The following TRPM6 variants were observed in gnomAD, a reference collection of about 807,000 sequenced individuals.
TRPM6 encodes channel kinase 2.
A neutral mutation model predicts 247.6 loss-of-function variants in TRPM6; 111 were observed. The ratio of observed to expected loss-of-function variants is 0.45; its 90% CI spans 0.38 to 0.52. The LOEUF (loss-of-function observed/expected upper bound fraction) is 0.52. Among genes scored for constraint, TRPM6 ranks in the 20% least tolerant of loss-of-function variants. TRPM6 has a pLI of 0.00. For missense variants in TRPM6, 2,126 were observed against 2,421.5 expected (o/e 0.88, Z 2.56); for synonymous variants, 892 against 853.8 (o/e 1.04, Z -0.78).
chr9:74,839,884 AGGAAGGAAGGAG>A, intron 5 of TRPM6, 128 bp downstream of exon 5: 1 of 195,232 alleles, frequency 5.1e-6, no homozygotes, highest in South Asian at 6.6e-5. Context: ...GAAGGAAGGA[AGGAAGGAAGGAG>A]GGAGGGAGGG....
In TRPM6 at chr9:74,768,913, G is replaced by A. The variant is rs367705193; in HGVS notation, c.3536+2790C>T. On this transcript the variant is annotated intron_variant, in intron 25 of 38. Coordinates refer to ENST00000360774, the MANE Select transcript of TRPM6 (RefSeq NM_017662.5). ...TTATCCCAGTTCATAATCTTGGGGA[G>A]GCAGGGAGGCTATCCTGTCCACATC... Among the ~76,000 whole-genome samples the A allele has an allele frequency of 6.9e-4, 105 of 152,278 alleles. 4 individuals are homozygous for A. In the South Asian group the frequency reaches 9.3e-3, roughly 14 times the overall value.
chr9:74,876,894 G>A (rs1160695437), intron 1 of TRPM6, among the ~76,000 whole-genome samples: 2 of 152,154 alleles, frequency 1.3e-5, no homozygotes, highest in Admixed American at 1.3e-4. Context: ...ACATTTTCCG[G>A]AAGAAAATCT....
At chr9:74,785,602 A>G (rs1034908682) in intron 21 of TRPM6, among the ~76,000 whole-genome samples, 5 of 152,188 alleles carry the variant, frequency 3.3e-5, no homozygotes, top group Non-Finnish European at 4.4e-5. Context: ...GGCTCACTGC[A>G]AGCTCCGCCT....
rs987865076 is a variant in TRPM6, at chr9:74,727,417, G to A, written c.5935+822C>T. Among the ~76,000 whole-genome samples the A allele has an allele frequency of 4.7e-5, 7 of 149,388 alleles. No individual in the cohort carries two copies. In the South Asian group the frequency reaches 1.1e-3, roughly 23 times the overall value. On this transcript the variant is annotated intron_variant, in intron 38 of 38. Transcript: ENST00000360774. The stretch of plus-strand genomic sequence containing the variant: ...AAAAAAAAAAAAAGAAATCTCCTTC[G>A]TTTGTTATAAGTTTACACCTGTCCC...
rs1409392832 is a variant in TRPM6 at position 74,785,977 on chromosome 9, C to A, written c.2816G>T (p.Arg939Ile). The change falls in exon 21 of 39, where the codon AGA (arginine) becomes ATA (isoleucine). Residue 939 changes from arginine (R) to isoleucine (I), a missense_variant. Coordinates refer to ENST00000360774, the MANE Select transcript of TRPM6 (RefSeq NM_017662.5). ...WGDPPFHTAG[R>I]LIYCIDIIFW... ...TATGATGTCTATGCAGTAGATCAGT[C>A]TTCCCGCTGTGTGAAAAGGAGGGTC... The A allele has an allele frequency of 3.1e-6, 5 of 1,614,110 alleles. No individual in the cohort carries two copies. In the East Asian group the frequency reaches 1.1e-4, roughly 36 times the overall value.
At chr9:74,739,540 T>C (rs564767002) in intron 34 of TRPM6, 91 bp from the exon 35 acceptor site, 3 of 1,520,688 alleles carry the variant, frequency 2.0e-6, no homozygotes, top group South Asian at 2.3e-5. Flanking sequence ...ATGTGATTTT[T>C]AGCCTTATTC....
intron 23 of TRPM6, among the ~76,000 whole-genome samples, chr9:74,776,906 A>G (rs1457023600): frequency 6.6e-6 from 1 of 152,252 alleles, no homozygotes; most frequent in Non-Finnish European, 1.5e-5. Flanking sequence ...AGAGAAAGAT[A>G]GCAGAGTAGA....
chr9:74,828,073 G>A lies in TRPM6; in HGVS notation c.670-124C>T, dbSNP rs1447365076. ...TCTAGTTTAAAAAGTACTACTTGCG[G>A]CCAGGCATGGTGGCTCATGCCTGTA... On this transcript the variant is annotated intron_variant, in intron 6 of 38. Coordinates refer to ENST00000360774, the MANE Select transcript of TRPM6 (RefSeq NM_017662.5). 6 of 1,036,672 alleles carry A rather than the reference G, an allele frequency of 5.8e-6. No individual in the cohort carries two copies. In the East Asian group the frequency reaches 1.5e-4, roughly 25 times the overall value. 64.2% of individuals were successfully genotyped at this position (1,036,672 alleles called of 1,614,324 possible).
intron 8 of TRPM6, 67 bp downstream of exon 8, chr9:74,821,602 C>T: frequency 6.3e-7 from 1 of 1,576,458 alleles, no homozygotes; most frequent in Non-Finnish European, 8.7e-7. Flanking sequence ...AAATGCACAG[C>T]CAAAAGAACT....
At chr9:74,853,048 C>A (rs895756348) in intron 3 of TRPM6, among the ~76,000 whole-genome samples, 1 of 150,062 alleles carries the variant, frequency 6.7e-6, no homozygotes, top group Admixed American at 6.6e-5. Context: ...ATGTGGGGAG[C>A]GCCTCTGCCC....
intron 37 of TRPM6, among the ~76,000 whole-genome samples, chr9:74,730,109 GT>G (rs1379238254): frequency 2.0e-5 from 3 of 152,028 alleles, no homozygotes; most frequent in Non-Finnish European, 4.4e-5. Flanking sequence ...AGATAACCAG[GT>G]TTTAAAAAAA....
chr9:74,820,417 G>A lies in TRPM6; in HGVS notation c.1021C>T (p.Pro341Ser). 6.2e-7 allele frequency: 1 copy of A among 1,614,118 alleles called. No homozygotes were observed. Among genetic ancestry groups the A allele is most frequent in the Non-Finnish European group, 8.5e-7 (1 of 1,180,028 alleles). The change falls in exon 9 of 39, where the codon CCT (proline) becomes TCT (serine). Residue 341 changes from proline to serine, a missense_variant. By Grantham distance (74) the Pro-to-Ser change is moderately conservative (BLOSUM62 -1). This residue lies in a region of TRPM6 where 1,082 missense variants were observed against 1,307.9 expected (regional missense o/e 0.83). Transcript: ENST00000360774. ...CAGATGATCTCCTCTTTCACCTGAG[G>A]TCGCAGCATCCTGGAAGAGAAATAA... ...KHLADEGMLR[P>S]QVKEEIICMI...
At chr9:74,887,724 G>A in intron 1 of TRPM6, 100 bp downstream of exon 1, 2 of 1,613,096 alleles carry the variant, frequency 1.2e-6, no homozygotes. Context: ...GTTAGATGTA[G>A]TGTCCCTGGC....
At chr9:74,806,472 A>G (rs1266388291) in intron 14 of TRPM6, among the ~76,000 whole-genome samples, 1 of 152,092 alleles carries the variant, frequency 6.6e-6, no homozygotes, top group African/African-American at 2.4e-5. Context: ...TGTTTTGTTG[A>G]TAAAAATTGA....
chr9:74,790,528 A>C (rs1198313733), intron 19 of TRPM6, among the ~76,000 whole-genome samples: 1 of 152,160 alleles, frequency 6.6e-6, no homozygotes, highest in Admixed American at 6.5e-5. Flanking sequence ...CTGATTCCTT[A>C]TACTGGACTC....
At chr9:74,814,232 G>A (rs1828845178) in intron 11 of TRPM6, among the ~76,000 whole-genome samples, 1 of 152,106 alleles carries the variant, frequency 6.6e-6, no homozygotes, top group Non-Finnish European at 1.5e-5. Flanking sequence ...TCAATAATTC[G>A]TAGGAGCTGA....
At chr9:74,809,670 T>G (rs1564024917) in intron 13 of TRPM6, among the ~76,000 whole-genome samples, 1 of 152,102 alleles carries the variant, frequency 6.6e-6, no homozygotes, top group Admixed American at 6.6e-5. Context: ...CGGACACTTT[T>G]GCTTACTGCT....
chr9:74,820,349 C>G lies in TRPM6; in HGVS notation c.1089G>C (p.Lys363Asn). ...ACTCCATTAGAATTTGGAAAAGGTG[C>G]TTGGACTGTTTAAGACTAAAGTTGA... ...NTFNFSLKQS[K>N]HLFQILMECM... The change falls in exon 9 of 39, where the codon AAG (lysine) becomes AAC (asparagine). Residue 363 changes from lysine to asparagine, a missense_variant. Physicochemically the swap from Lys to Asn is moderately conservative, Grantham distance 94. Coordinates refer to ENST00000360774, the MANE Select transcript of TRPM6 (RefSeq NM_017662.5). The G allele has an allele frequency of 6.2e-7, 1 of 1,614,084 alleles. No homozygotes were observed. The highest frequency in any genetic ancestry group is 8.5e-7 in the Non-Finnish European group (1 of 1,179,982).
In TRPM6 at chr9:74,882,960, A is replaced by G. The variant is rs143343967; in HGVS notation, c.33+4864T>C. 2.9e-3 allele frequency among the ~76,000 whole-genome samples: 436 copies of G among 152,264 alleles called. 3 individuals carry two copies. Among genetic ancestry groups the G allele is most frequent in the African/African-American group, 0.01 (417 of 41,548 alleles). On this transcript the variant is annotated intron_variant, in intron 1 of 38. Transcript: ENST00000360774. ...GTATATTCACATTGTTGTGCGGCCAATCTCCAGAACTTTTTCATCTCGAAA... is the reference window on the plus strand; with the variant it reads ...GTATATTCACATTGTTGTGCGGCCAGTCTCCAGAACTTTTTCATCTCGAAA...
Sources: allele counts gnomAD v4.1 joint callset (sites outside exome capture counted in the v4.1 genomes callset), GRCh38; gene constraint gnomAD v4.1.1; regional missense constraint gnomAD v4.1.1; transcripts MANE v1.5; gene names NCBI Gene and HGNC (gene_info 2026-07-23, HGNC 2026-07-21).